VGLL3: variants seen among roughly 807,000 people sequenced by gnomAD.
The protein encoded by VGLL3 is vestigial like family member 3.
In VGLL3, 18 loss-of-function variants were observed where a neutral mutation model predicts 29.2. The ratio of observed to expected loss-of-function variants is 0.62; its 90% CI spans 0.43 to 0.91. The LOEUF (loss-of-function observed/expected upper bound fraction) is 0.91. VGLL3 is among the 40% of genes least tolerant of loss of function. The probability of loss-of-function intolerance (pLI) is 0.00; values close to 1 mark genes in which losing one functional copy is unlikely to be tolerated. For synonymous variants in VGLL3, 180 were observed against 151.8 expected (o/e 1.19, Z -1.36); for missense variants, 440 against 413.2 (o/e 1.06, Z -0.56).
chr3:86,958,939 G>A (rs1704780944), intron 3 of VGLL3, among the ~76,000 whole-genome samples: 1 of 152,142 alleles, frequency 6.6e-6, no homozygotes, highest in Non-Finnish European at 1.5e-5. Context: ...AAAAAGTTTT[G>A]TAGAAAGTGT....
At chr3:86,952,534 C>T (rs1391064747) in intron 3 of VGLL3, among the ~76,000 whole-genome samples, 1 of 151,992 alleles carries the variant, frequency 6.6e-6, no homozygotes. Context: ...TAAATAGGAA[C>T]ATAAAGCCTG....
In VGLL3 at chr3:86,990,570, G is replaced by C. The variant is rs79619293; in HGVS notation, c.126+48C>G. 33,863 of 1,313,678 alleles carry C rather than the reference G, an allele frequency of 0.026. 3,295 individuals are homozygous for C. In the African/African-American group the frequency reaches 0.27, roughly 11 times the overall value. 81.4% of individuals were successfully genotyped at this position (1,313,678 alleles called of 1,614,324 possible). A position where few individuals can be genotyped will look rare whatever the true frequency, so the allele number is the denominator to read the frequency against. On this transcript the variant is annotated intron_variant, in intron 1 of 3. Coordinates refer to ENST00000398399, the MANE Select transcript of VGLL3 (RefSeq NM_016206.4). ...CGCCGAGCCCCAGACCGATACTCTC[G>C]ATGCCCTTCGCCCCCGCCCCCAGCA...
At chr3:86,981,822 T>G (rs1468466327) in intron 1 of VGLL3, among the ~76,000 whole-genome samples, 1 of 152,112 alleles carries the variant, frequency 6.6e-6, no homozygotes, top group Non-Finnish European at 1.5e-5. Flanking sequence ...TGAACCAATT[T>G]AAATATTTAC....
At position 86,990,717 on chromosome 3, in the gene VGLL3, G is replaced by C. The variant is rs1434566257; in HGVS notation, c.27C>G (p.His9Gln). 3 of 1,413,896 alleles carry C rather than the reference G, an allele frequency of 2.1e-6. No individual in the cohort carries two copies. In the East Asian group the frequency reaches 8.5e-5, roughly 40 times the overall value. The allele number at this position is 1,413,896 out of a possible 1,614,324, so 87.6% of individuals were successfully genotyped here. The change falls in exon 1 of 4, where the codon CAC becomes CAG. Residue 9 changes from histidine to glutamine, a missense_variant. Transcript: ENST00000398399. ...ACTGGGACGCTCCATAAGGCTGGGG[G>C]TGATACATCACCTCCGCACAACTCA... MSCAEVMYHPQPYGASQYL... is the reference protein window; with the variant it reads MSCAEVMYQPQPYGASQYL...
rs183881112 is a variant in VGLL3 at position 86,965,730 on chromosome 3, A to G, written c.937+2860T>C. Among the ~76,000 whole-genome samples the G allele has an allele frequency of 1.5e-4, 23 of 152,196 alleles. No homozygotes were observed. The East Asian group carries it at 4.4e-3, about 29-fold the overall frequency. ...GTCCCCTTACCAGAGGCAGATCACA[A>G]CTTCTAACTGGTCAATTCAGGAATG... On this transcript the variant is annotated intron_variant, in intron 3 of 3. Transcript: ENST00000398399.
intron 1 of VGLL3, among the ~76,000 whole-genome samples, chr3:86,989,697 A>G (rs1283568321): frequency 6.6e-6 from 1 of 152,102 alleles, no homozygotes; most frequent in Non-Finnish European, 1.5e-5. Context: ...GCCCACCCTA[A>G]TTCCCATAGT....
Position 86,945,391 on chromosome 3 carries a change from C to G in VGLL3, c.*1633G>C, listed in dbSNP as rs901098549. On this transcript the variant is annotated 3_prime_UTR_variant, in exon 4 of 4. Coordinates refer to ENST00000398399, the MANE Select transcript of VGLL3 (RefSeq NM_016206.4). ...CAATTAAAGATAGAAAGTGGCATTTCACTGAACATACTATTTTATGTGGGT... is the reference window on the plus strand; with the variant it reads ...CAATTAAAGATAGAAAGTGGCATTTGACTGAACATACTATTTTATGTGGGT... The G allele has an allele frequency of 1.3e-5, 2 of 152,062 alleles. No individual in the cohort carries two copies. The highest frequency in any genetic ancestry group is 2.9e-5 in the Non-Finnish European group (2 of 67,992). 9.4% of individuals were successfully genotyped at this position (152,062 alleles called of 1,614,324 possible).
intron 3 of VGLL3, among the ~76,000 whole-genome samples, chr3:86,967,002 T>C (rs1481094442): frequency 4.6e-5 from 7 of 151,778 alleles, no homozygotes; most frequent in South Asian, 4.2e-4. Flanking sequence ...GATGAGATTA[T>C]TTCAAGCTGA....
At chr3:86,955,856 C>T (rs1304435315) in intron 3 of VGLL3, among the ~76,000 whole-genome samples, 1 of 152,144 alleles carries the variant, frequency 6.6e-6, no homozygotes, top group Non-Finnish European at 1.5e-5. Flanking sequence ...CACTATAACA[C>T]ATACTTGTGT....
chr3:86,949,572 A>G (rs563105130), intron 3 of VGLL3, among the ~76,000 whole-genome samples: 1 of 152,082 alleles, frequency 6.6e-6, no homozygotes, highest in East Asian at 1.9e-4. Context: ...CATGTCTGTA[A>G]TCTCAGCACT....
chr3:86,976,114 CA>C (rs534327126), intron 2 of VGLL3, among the ~76,000 whole-genome samples: 24 of 145,040 alleles, frequency 1.7e-4, no homozygotes, highest in South Asian at 4.4e-4. Context: ...AACTCCATCT[CA>C]AAAAAAAAAA....
chr3:86,975,877 C>T (rs1181897722), intron 2 of VGLL3, among the ~76,000 whole-genome samples: 2 of 151,982 alleles, frequency 1.3e-5, no homozygotes, highest in Non-Finnish European at 2.9e-5. Flanking sequence ...TTTGGGAGGC[C>T]GAGGCGGGCA....
chr3:86,975,904 G>A (rs1705200908), intron 2 of VGLL3, among the ~76,000 whole-genome samples: 1 of 152,112 alleles, frequency 6.6e-6, no homozygotes, highest in Admixed American at 6.6e-5. Flanking sequence ...CTGAGGTCAG[G>A]AGTTCAAGAC....
intron 1 of VGLL3, among the ~76,000 whole-genome samples, chr3:86,983,403 G>A (rs768020758): frequency 7.2e-5 from 11 of 152,002 alleles, no homozygotes; most frequent in Admixed American, 2.0e-4. Context: ...ACAGGTTCTC[G>A]CTCTCATTTG....
At chr3:86,981,892 CA>C in intron 1 of VGLL3, among the ~76,000 whole-genome samples, 1 of 152,136 alleles carries the variant, frequency 6.6e-6, no homozygotes, top group East Asian at 1.9e-4. Context: ...TCACAATCAA[CA>C]GTACTGGTTA....
rs1190613026 is a variant in VGLL3 at position 86,949,838 on chromosome 3, A to AAAAAG, written c.938-2776_938-2772dup. 7.5e-3 allele frequency among the ~76,000 whole-genome samples: 1,138 copies of AAAAAG among 151,442 alleles called. 19 individuals are homozygous for AAAAAG. Among genetic ancestry groups the AAAAAG allele is most frequent in the African/African-American group, 0.025 (1,021 of 41,138 alleles). On this transcript the variant is annotated intron_variant, in intron 3 of 3. Coordinates refer to ENST00000398399, the MANE Select transcript of VGLL3 (RefSeq NM_016206.4). ...CGAGACTCCATCTCAAAAAAAAAAA[A>AAAAAG]AAAAGAAAAGAAAAGAAAAGAAAGA...
chr3:86,975,146 C>A (rs1374507931), intron 2 of VGLL3, among the ~76,000 whole-genome samples: 1 of 152,082 alleles, frequency 6.6e-6, no homozygotes, highest in African/African-American at 2.4e-5. Flanking sequence ...ACATTGCAAC[C>A]AGAAGGTAAA....
intron 3 of VGLL3, among the ~76,000 whole-genome samples, chr3:86,948,798 A>G (rs1462540345): frequency 6.6e-6 from 1 of 152,180 alleles, no homozygotes; most frequent in Non-Finnish European, 1.5e-5. Context: ...GGAGAAGGAT[A>G]AAAGAGGACA....
chr3:86,974,492 A>G (rs1705168661), intron 2 of VGLL3, among the ~76,000 whole-genome samples: 1 of 152,194 alleles, frequency 6.6e-6, no homozygotes, highest in Admixed American at 6.5e-5. Context: ...ATTAGAGGTA[A>G]CTGATAAGAC....
Sources: allele counts gnomAD v4.1 joint callset (sites outside exome capture counted in the v4.1 genomes callset), GRCh38; gene constraint gnomAD v4.1.1; transcripts MANE v1.5; gene names NCBI Gene and HGNC (gene_info 2026-07-23, HGNC 2026-07-21).